Variants in PPP1R42 observed in about 807,000 individuals in gnomAD.
PPP1R42 encodes protein phosphatase 1 regulatory subunit 42, also known as leucine rich repeat containing 67.
A neutral mutation model predicts 31.0 loss-of-function variants in PPP1R42; 34 were observed. That is an observed-to-expected ratio of 1.10 (90% confidence interval 0.83 to 1.46). The LOEUF is 1.46. PPP1R42 is among the 40% of genes most tolerant of loss of function. The pLI, the probability that PPP1R42 is intolerant of heterozygous loss-of-function variation, is 0.00. For missense variants in PPP1R42, 268 were observed against 303.0 expected (o/e 0.88, Z 0.86); for synonymous variants, 103 against 109.8 (o/e 0.94, Z 0.39).
At chr8:66,998,413 CT>C (rs1443859626) in intron 5 of PPP1R42, among the ~76,000 whole-genome samples, 2 of 152,188 alleles carry the variant, frequency 1.3e-5, no homozygotes, top group African/African-American at 4.8e-5. Context: ...AAGCATATGG[CT>C]TTGCTAAATA....
At chr8:66,981,920 A>T (rs1390015900) in intron 7 of PPP1R42, 129 bp downstream of exon 7, 69 of 1,001,450 alleles carry the variant, frequency 6.9e-5, no homozygotes, top group South Asian at 2.8e-4. Flanking sequence ...AATAAGTTTT[A>T]AAAAACCCCA....
intron 6 of PPP1R42, among the ~76,000 whole-genome samples, chr8:66,987,416 C>G (rs1247666276): frequency 6.6e-6 from 1 of 151,586 alleles, no homozygotes; most frequent in Non-Finnish European, 1.5e-5. Flanking sequence ...CTCAGCCTCC[C>G]GAGTAGCTGA....
intron 5 of PPP1R42, among the ~76,000 whole-genome samples, chr8:66,997,727 C>A (rs1815374061): frequency 6.6e-6 from 1 of 150,824 alleles, no homozygotes; most frequent in Non-Finnish European, 1.5e-5. Flanking sequence ...AAAAAAAAAA[C>A]ACCTTTTAGA....
chr8:66,976,872 G>A (rs1446108146), intron 7 of PPP1R42, among the ~76,000 whole-genome samples: 1 of 152,154 alleles, frequency 6.6e-6, no homozygotes, highest in Admixed American at 6.5e-5. Context: ...ACATGAGGGT[G>A]TGGATGTCTC....
chr8:67,019,177 C>G (rs1398197181), intron 1 of PPP1R42, among the ~76,000 whole-genome samples: 1 of 150,396 alleles, frequency 6.6e-6, no homozygotes, highest in African/African-American at 2.4e-5. Context: ...AAGTGCTCCT[C>G]CTGCCTATGC....
chr8:67,025,143 C>T (rs1018033148), intron 1 of PPP1R42, among the ~76,000 whole-genome samples: 3 of 150,542 alleles, frequency 2.0e-5, no homozygotes, highest in Non-Finnish European at 3.0e-5. Flanking sequence ...CAGGGTCTTA[C>T]TATGTTGCCA....
intron 3 of PPP1R42, 95 bp from the exon 4 acceptor site, chr8:67,013,191 G>T: frequency 2.1e-6 from 2 of 965,858 alleles, no homozygotes; most frequent in Non-Finnish European, 2.9e-6. Context: ...TCACTGAGCT[G>T]AACAAAATTA....
chr8:66,989,933 C>T (rs571125463), intron 5 of PPP1R42, among the ~76,000 whole-genome samples: 1 of 152,296 alleles, frequency 6.6e-6, no homozygotes, highest in East Asian at 1.9e-4. Context: ...TTTGCCTGCC[C>T]TGCTACCTCT....
chr8:67,002,867 T>C (rs77330769), intron 5 of PPP1R42, among the ~76,000 whole-genome samples: 4,772 of 151,730 alleles, frequency 0.031, 110 homozygotes, highest in Middle Eastern at 0.065. Context: ...TTTAGAAATA[T>C]TTTTAGTCAG....
chr8:67,001,884 C>G (rs1259804992), intron 5 of PPP1R42, among the ~76,000 whole-genome samples: 1 of 152,196 alleles, frequency 6.6e-6, no homozygotes. Context: ...TTCACTTGAG[C>G]TCAGGAAATT....
At chr8:66,986,985 G>A (rs868747489) in intron 6 of PPP1R42, among the ~76,000 whole-genome samples, 124 of 152,118 alleles carry the variant, frequency 8.2e-4, no homozygotes, top group Middle Eastern at 6.8e-3. Flanking sequence ...CCAACATAAT[G>A]AAACCCCGCC....
intron 7 of PPP1R42, among the ~76,000 whole-genome samples, chr8:66,966,920 A>G (rs1486188474): frequency 2.6e-5 from 4 of 152,222 alleles, no homozygotes; most frequent in African/African-American, 9.6e-5. Context: ...GACAGAGTTG[A>G]GATCAGAAGT....
In PPP1R42 at chr8:66,964,286, C is replaced by T. The variant is rs1230903841; in HGVS notation, c.*35G>A. 3 of 1,275,684 alleles carry T rather than the reference C, an allele frequency of 2.4e-6. No individual in the cohort carries two copies. The highest frequency in any genetic ancestry group is 5.6e-5 in the East Asian group (1 of 17,936). The allele number at this position is 1,275,684 out of a possible 1,614,324, so 79.0% of individuals were successfully genotyped here. The stretch of plus-strand genomic sequence containing the variant: ...GGTTATGGAAGAGGTGAGGTTCATG[C>T]ACATCATTTTTTGTCAGCAAGCTTT... On this transcript the variant is annotated 3_prime_UTR_variant, in exon 8 of 8. Transcript: ENST00000685739.
rs1178650027 is a variant in PPP1R42 at position 67,028,530 on chromosome 8, G to A, written c.-124C>T. The A allele has an allele frequency of 1.0e-6, 1 of 985,400 alleles. No homozygotes were observed. The highest frequency in any genetic ancestry group is 1.2e-6 in the Non-Finnish European group (1 of 829,970). 61.0% of individuals were successfully genotyped at this position (985,400 alleles called of 1,614,324 possible). A position where few individuals can be genotyped will look rare whatever the true frequency, so the allele number is the denominator to read the frequency against. On this transcript the variant is annotated 5_prime_UTR_variant, in exon 1 of 8. Coordinates refer to ENST00000685739, the MANE Select transcript of PPP1R42 (RefSeq NM_001364910.1). Reference sequence around the variant, plus strand: ...TCCGGTAGCTAACTCCAGTTTGGTCGGTTTCATCGGCGCCGGGTCCCTACG... The same window carrying A: ...TCCGGTAGCTAACTCCAGTTTGGTCAGTTTCATCGGCGCCGGGTCCCTACG...
At chr8:67,025,967 T>C (rs1816382847) in intron 1 of PPP1R42, among the ~76,000 whole-genome samples, 1 of 142,794 alleles carries the variant, frequency 7.0e-6, no homozygotes, top group Non-Finnish European at 1.5e-5. Context: ...ATCGCACCAC[T>C]ACGCTCCAGC....
intron 5 of PPP1R42, among the ~76,000 whole-genome samples, chr8:67,005,550 T>C (rs1815647937): frequency 6.6e-6 from 1 of 152,222 alleles, no homozygotes; most frequent in South Asian, 2.1e-4. Context: ...ATAGGCATTT[T>C]ACGAGGTGGA....
At chr8:67,005,853 T>TA (rs1563426901) in intron 5 of PPP1R42, among the ~76,000 whole-genome samples, 1 of 152,194 alleles carries the variant, frequency 6.6e-6, no homozygotes. Context: ...TTTTTTTTTT[T>TA]TAAAAATCCT....
chr8:66,967,842 T>C (rs1814428410), intron 7 of PPP1R42, among the ~76,000 whole-genome samples: 1 of 152,084 alleles, frequency 6.6e-6, no homozygotes, highest in South Asian at 2.1e-4. Flanking sequence ...ATTGCTTGGG[T>C]TTGAAAGATA....
At position 66,985,208 on chromosome 8, in the gene PPP1R42, G is replaced by A. The variant is rs922585791; in HGVS notation, c.671-3028C>T. Reference sequence around the variant, plus strand: ...AGTTGAGCCTTTGTCCTTAATCGCTGAGCAGTCTTCTCAAATTTGCCCTTG... The same window carrying A: ...AGTTGAGCCTTTGTCCTTAATCGCTAAGCAGTCTTCTCAAATTTGCCCTTG... On this transcript the variant is annotated intron_variant, in intron 6 of 7. Transcript: ENST00000685739. The A allele has an allele frequency of 2.0e-5, 23 of 1,128,888 alleles. No homozygotes were observed. The Admixed American group carries it at 3.6e-4, about 18-fold the overall frequency. 69.9% of individuals were successfully genotyped at this position (1,128,888 alleles called of 1,614,324 possible).
Sources: gnomAD v4.1 joint callset for allele counts (sites outside exome capture counted in the v4.1 genomes callset) on GRCh38, gnomAD v4.1.1 for gene constraint, MANE v1.5 for transcripts, NCBI Gene and HGNC (gene_info 2026-07-23, HGNC 2026-07-21) for gene names.